The following SH3TC1 variants were observed in gnomAD, a reference collection of about 807,000 sequenced individuals.
The protein encoded by SH3TC1 is SH3 domain and tetratricopeptide repeats 1, also known as SH3 domain and tetratricopeptide repeat-containing protein 1.
SH3TC1 carries 135 observed loss-of-function variants against 117.3 expected under a neutral mutation model. The observed-to-expected ratio is 1.15, with a 90% CI of 1.00 to 1.33. The LOEUF (loss-of-function observed/expected upper bound fraction) is 1.33, where lower values mean the gene tolerates loss of function less well. Among genes scored for constraint, SH3TC1 ranks in the 40% most tolerant of loss-of-function variants. The probability of loss-of-function intolerance (pLI) is 0.00; values close to 1 mark genes in which losing one functional copy is unlikely to be tolerated. For missense variants in SH3TC1, 2,092 were observed against 1,794.3 expected (o/e 1.17, Z -3.00); for synonymous variants, 898 against 816.9 (o/e 1.10, Z -1.69).
intron 2 of SH3TC1, among the ~76,000 whole-genome samples, chr4:8,207,670 T>C (rs1237008729): frequency 6.6e-6 from 1 of 152,244 alleles, no homozygotes; most frequent in Non-Finnish European, 1.5e-5. Flanking sequence ...CCATACTATA[T>C]ACATCATTAC....
intron 5 of SH3TC1, among the ~76,000 whole-genome samples, chr4:8,215,015 C>G (rs372049163): frequency 5.3e-5 from 8 of 152,234 alleles, no homozygotes; most frequent in African/African-American, 1.4e-4. Context: ...AAAGGCCTCA[C>G]TAGCAAGATA....
intron 8 of SH3TC1, 126 bp from the exon 9 acceptor site, chr4:8,219,209 C>A: frequency 1.0e-6 from 1 of 955,356 alleles, no homozygotes; most frequent in South Asian, 2.0e-5. Flanking sequence ...CCAAGCTTTA[C>A]TACGAACCTC....
intron 10 of SH3TC1, among the ~76,000 whole-genome samples, chr4:8,223,346 G>C (rs1172159841): frequency 6.6e-6 from 1 of 152,270 alleles, no homozygotes; most frequent in Non-Finnish European, 1.5e-5. Flanking sequence ...TTGCCTGGGT[G>C]AGAGTGACTT....
In SH3TC1 at chr4:8,205,331, C is replaced by T. The variant is rs149134930; in HGVS notation, c.137C>T (p.Ala46Val). The T allele has an allele frequency of 4.5e-5, 70 of 1,549,770 alleles. No individual in the cohort carries two copies. Among genetic ancestry groups the T allele is most frequent in the African/African-American group, 3.8e-4 (28 of 73,128 alleles). Residue 46 changes from alanine (A) to valine (V), a missense_variant, in exon 2 of 18, where the codon GCG (alanine) becomes GTG (valine). Transcript: ENST00000245105. The surrounding 1 kb of genome is among the most constrained non-coding windows in gnomAD (Gnocchi z 5.4). The part of the protein sequence containing the change: ...VMRPSVSWEK[A>V]GPEEAKAPVR... The stretch of plus-strand genomic sequence containing the variant: ...AGGCCCTCTGTGAGCTGGGAGAAAG[C>T]GGGGCCCGAGGAGGCCAAGGCGCCA...
In SH3TC1 at chr4:8,227,925, C is replaced by G. The variant is rs370072593; in HGVS notation, c.2231C>G (p.Ser744Trp). Residue 744 changes from serine to tryptophan, a missense_variant, in exon 12 of 18, where the codon TCG becomes TGG. By Grantham distance (177) the Ser-to-Trp change is radical. Transcript: ENST00000245105. Reference protein sequence around the residue: ...SLRTRGSLAGSLRSVNLVLQN... With the variant: ...SLRTRGSLAGWLRSVNLVLQN... ...CGGACACGGGGCTCGCTGGCCGGCT[C>G]GCTGAGGAGTGTGAACCTGGTGCTC... The G allele has an allele frequency of 6.2e-7, 1 of 1,612,692 alleles. No individual in the cohort carries two copies. The highest frequency in any genetic ancestry group is 8.5e-7 in the Non-Finnish European group (1 of 1,179,972).
rs1165869408 is a variant in SH3TC1 at position 8,211,524 on chromosome 4, T to G, written c.248-1177T>G. 1.9e-4 allele frequency among the ~76,000 whole-genome samples: 3 copies of G among 15,636 alleles called. No individual in the cohort carries two copies. The East Asian group carries it at 0.083, about 434-fold the overall frequency. 10.3% of individuals were successfully genotyped at this position (15,636 alleles called of 152,430 possible). On this transcript the variant is annotated intron_variant, in intron 3 of 17. Coordinates refer to ENST00000245105, the MANE Select transcript of SH3TC1 (RefSeq NM_018986.5). ...CCCTCTCCCTGCTCTCCTTCTCCCC[T>G]TCTACTCCTCATTCTCTTCCCCTCT...
intron 9 of SH3TC1, 97 bp from the exon 10 acceptor site, chr4:8,222,743 C>T: frequency 1.4e-6 from 2 of 1,469,366 alleles, no homozygotes; most frequent in South Asian, 2.5e-5. Context: ...TGCTCCGAGA[C>T]TATCTGTCTG....
At chr4:8,220,189 C>CCCT (rs1719771228) in intron 9 of SH3TC1, among the ~76,000 whole-genome samples, 1 of 152,154 alleles carries the variant, frequency 6.6e-6, no homozygotes, top group African/African-American at 2.4e-5. Context: ...ACGATTTAAT[C>CCCT]CAGTACACAC....
Position 8,205,665 on chromosome 4 carries a change from G to A in SH3TC1, c.172+299G>A, listed in dbSNP as rs778921090. 1.6e-5 allele frequency: 12 copies of A among 759,298 alleles called. No individual in the cohort carries two copies. The highest frequency in any genetic ancestry group is 5.4e-5 in the South Asian group (4 of 73,728). 47.0% of individuals were successfully genotyped at this position (759,298 alleles called of 1,614,324 possible). A position where few individuals can be genotyped will look rare whatever the true frequency, so the allele number is the denominator to read the frequency against. On this transcript the variant is annotated intron_variant, in intron 2 of 17. Transcript: ENST00000245105. This position sits in a 1 kb window ranked among gnomAD's most constrained non-coding sequence, Gnocchi z 5.4. ...CTTTGAACCCCCATGTTCAGAGACC[G>A]TTCCAGAAACAGTCCGATGGGTTTG... is the stretch of plus-strand genomic sequence containing the variant.
upstream of SH3TC1, among the ~76,000 whole-genome samples, chr4:8,194,427 C>T (rs565962942): frequency 6.6e-6 from 1 of 152,330 alleles, no homozygotes; most frequent in African/African-American, 2.4e-5. Flanking sequence ...GTCCTGGCAC[C>T]TTGTCTGCCC....
intron 17 of SH3TC1, among the ~76,000 whole-genome samples, chr4:8,239,340 GACACGCACACGCAAATGCACACAGGC>G (rs1268392967): frequency 2.7e-5 from 4 of 145,848 alleles, no homozygotes; most frequent in African/African-American, 8.0e-5. Context: ...TGCACACATG[GACACGCACACGCAAATGCACACAGGC>G]ACACGCACAC....
At chr4:8,193,766 C>T (rs762644797) in intron 1 of SH3TC1, among the ~76,000 whole-genome samples, 18 of 152,224 alleles carry the variant, frequency 1.2e-4, no homozygotes, top group Non-Finnish European at 2.5e-4. Context: ...GCAGCATTAC[C>T]TGGAGGTGGG....
chr4:8,182,101 AG>A (rs1717096674), exon 1 of SH3TC1: 2 of 152,358 alleles, frequency 1.3e-5, no homozygotes, highest in Admixed American at 6.5e-5. Context: ...TTGCCTGGAC[AG>A]GGTGCTGGGC....
chr4:8,192,788 G>A lies in SH3TC1; in HGVS notation c.-57+10578G>A, dbSNP rs1008734798. On this transcript the variant is annotated intron_variant, in intron 1 of 16. Coordinates refer to the SH3TC1 transcript ENST00000508641. The surrounding 1 kb of genome is among the most constrained non-coding windows in gnomAD (Gnocchi z 4.1). ...ATTACAGGCGTGAGCCACGGTGCCC[G>A]GCCCACTTGTCTTTATTTGTTGCCT... 2.6e-5 allele frequency among the ~76,000 whole-genome samples: 4 copies of A among 152,188 alleles called. No homozygotes were observed. Among genetic ancestry groups the A allele is most frequent in the African/African-American group, 7.2e-5 (3 of 41,444 alleles).
chr4:8,215,650 TGCCCCAGACG>T (rs1254982041), intron 5 of SH3TC1, among the ~76,000 whole-genome samples: 4 of 152,214 alleles, frequency 2.6e-5, no homozygotes, highest in African/African-American at 9.6e-5. Flanking sequence ...GAAGGCTCAC[TGCCCCAGACG>T]AGAGGGGGGA....
At position 8,228,548 on chromosome 4, in the gene SH3TC1, C is replaced by G; in HGVS notation, c.2854C>G (p.Leu952Val). Residue 952 changes from leucine to valine, a missense_variant, in exon 12 of 18, where the codon CTG (leucine) becomes GTG (valine). Physicochemically the swap from Leu to Val is conservative, Grantham distance 32 (BLOSUM62 1). Transcript: ENST00000245105. ...GGACTTCACCCACGTGCTCCTGCAG[C>G]TGGGCCATCTCTGCACCCGCCAGGG... ...GRDFTHVLLQ[L>V]GHLCTRQGPA... 6.2e-7 allele frequency: 1 copy of G among 1,609,178 alleles called. No homozygotes were observed. The highest frequency in any genetic ancestry group is 1.1e-5 in the South Asian group (1 of 90,512).
intron 17 of SH3TC1, among the ~76,000 whole-genome samples, chr4:8,240,388 A>G (rs1364716611): frequency 6.6e-6 from 1 of 152,158 alleles, no homozygotes; most frequent in Non-Finnish European, 1.5e-5. Flanking sequence ...TCCTGCATGG[A>G]ACTCTCAGAG....
Position 8,225,480 on chromosome 4 carries a change from C to T in SH3TC1, c.1285+264C>T, listed in dbSNP as rs904074667. Among the ~76,000 whole-genome samples the T allele has an allele frequency of 1.3e-5, 2 of 152,162 alleles. No individual in the cohort carries two copies. The highest frequency in any genetic ancestry group is 2.9e-5 in the Non-Finnish European group (2 of 68,030). ...CCCCGCCCAAGATGGAGCATCCTTT[C>T]CACTGCTTGGGTCCACTTGTAGCTG... On this transcript the variant is annotated intron_variant, in intron 11 of 17. Transcript: ENST00000245105. The surrounding 1 kb of genome is among the most constrained non-coding windows in gnomAD (Gnocchi z 5.5).
Position 8,225,093 on chromosome 4 carries a change from A to G in SH3TC1, c.1244-82A>G. ...GCACCCAGCAATGCTCTCACCCTGCAACATCGACACTAGCTCAACCTGGCA... is the reference window on the plus strand; with the variant it reads ...GCACCCAGCAATGCTCTCACCCTGCGACATCGACACTAGCTCAACCTGGCA... On this transcript the variant is annotated intron_variant, in intron 10 of 17. Coordinates refer to ENST00000245105, the MANE Select transcript of SH3TC1 (RefSeq NM_018986.5). The surrounding 1 kb of genome is among the most constrained non-coding windows in gnomAD (Gnocchi z 5.5). 1.3e-6 allele frequency: 2 copies of G among 1,538,052 alleles called. No individual in the cohort carries two copies. The highest frequency in any genetic ancestry group is 2.3e-5 in the South Asian group (2 of 87,162).
Sources: gnomAD v4.1 joint callset for allele counts (sites outside exome capture counted in the v4.1 genomes callset) on GRCh38, gnomAD v4.1.1 for gene constraint, Gnocchi (gnomAD v3.1) non-coding constraint, MANE v1.5 for transcripts, NCBI Gene and HGNC (gene_info 2026-07-23, HGNC 2026-07-21) for gene names.